The following PKNOX2 variants were observed in gnomAD, a reference collection of about 807,000 sequenced individuals.
The protein encoded by PKNOX2 is PBX/knotted 1 homeobox 2, also known as homeobox protein PKNOX2.
PKNOX2 carries 14 observed loss-of-function variants against 53.1 expected under a neutral mutation model. The observed-to-expected ratio is 0.26, with a 90% confidence interval of 0.17 to 0.41. The LOEUF (loss-of-function observed/expected upper bound fraction) is 0.41, where lower values mean the gene tolerates loss of function less well. Ranked by LOEUF, PKNOX2 falls within the 10% of genes least tolerant of loss-of-function variation. PKNOX2 has a pLI of 1.00. For missense variants in PKNOX2, 496 were observed against 602.8 expected (o/e 0.82, Z 1.85); for synonymous variants, 257 against 242.8 (o/e 1.06, Z -0.54).
At chr11:125,263,629 GGAGGGGGA>G (rs1389274267) in intron 2 of PKNOX2, among the ~76,000 whole-genome samples, 1 of 152,268 alleles carries the variant, frequency 6.6e-6, no homozygotes, top group East Asian at 1.9e-4. Flanking sequence ...GAGCAGCGCG[GGAGGGGGA>G]GAGCTGCCGA....
chr11:125,272,315 A>G (rs1945850865), intron 2 of PKNOX2, among the ~76,000 whole-genome samples: 1 of 152,228 alleles, frequency 6.6e-6, no homozygotes, highest in Non-Finnish European at 1.5e-5. Flanking sequence ...TCGATGAATC[A>G]TGATAAATGG....
intron 1 of PKNOX2, among the ~76,000 whole-genome samples, chr11:125,201,697 G>T (rs997143125): frequency 6.6e-6 from 1 of 152,196 alleles, no homozygotes; most frequent in East Asian, 1.9e-4. Flanking sequence ...GAAAGCCCCA[G>T]ACTTCACCCC....
chr11:125,225,575 T>G (rs1284087864), intron 1 of PKNOX2, among the ~76,000 whole-genome samples: 1 of 152,152 alleles, frequency 6.6e-6, no homozygotes, highest in Non-Finnish European at 1.5e-5. Flanking sequence ...ACCCACTGCC[T>G]CTGGGCTGGC....
intron 5 of PKNOX2, among the ~76,000 whole-genome samples, chr11:125,384,331 G>A (rs534855355): frequency 8.5e-5 from 13 of 152,070 alleles, no homozygotes; most frequent in Non-Finnish European, 1.9e-4. Context: ...TAGGTTTGGC[G>A]GTGGGGGAAT....
rs960184788 is a variant in PKNOX2, at chr11:125,337,137, G to A, written c.-23+5212G>A. Among the ~76,000 whole-genome samples the A allele has an allele frequency of 2.0e-5, 3 of 152,068 alleles. No individual in the cohort carries two copies. The East Asian group carries it at 5.8e-4, about 29-fold the overall frequency. ...GCATTCTATAGGTGATTATAAGATG[G>A]AAATCTGTTTAAAAGCATTAAAACC... On this transcript the variant is annotated intron_variant, in intron 3 of 12. Coordinates refer to ENST00000298282, the MANE Select transcript of PKNOX2 (RefSeq NM_001382323.2).
intron 10 of PKNOX2, among the ~76,000 whole-genome samples, chr11:125,427,002 G>T (rs1209844682): frequency 6.6e-6 from 1 of 152,248 alleles, no homozygotes; most frequent in East Asian, 1.9e-4. Flanking sequence ...ACGTGCGAAG[G>T]CATGGAGGCA....
chr11:125,319,625 T>C (rs73621058), intron 2 of PKNOX2, among the ~76,000 whole-genome samples: 2,620 of 152,316 alleles, frequency 0.017, 72 homozygotes, highest in African/African-American at 0.059. Flanking sequence ...AAAACAGGCA[T>C]TACTCAAATA....
At chr11:125,276,321 C>T (rs1156789999) in intron 2 of PKNOX2, among the ~76,000 whole-genome samples, 1 of 151,866 alleles carries the variant, frequency 6.6e-6, no homozygotes, top group Non-Finnish European at 1.5e-5. Flanking sequence ...AAGAGGAACT[C>T]CTAAAGAGGT....
chr11:125,219,840 G>A (rs1243723836), intron 1 of PKNOX2, among the ~76,000 whole-genome samples: 3 of 152,116 alleles, frequency 2.0e-5, no homozygotes, highest in Non-Finnish European at 2.9e-5. Flanking sequence ...GGGCCATTTC[G>A]AATATCATCA....
intron 2 of PKNOX2, among the ~76,000 whole-genome samples, chr11:125,319,449 A>T (rs116055761): frequency 0.024 from 3,668 of 152,290 alleles, 145 homozygotes; most frequent in African/African-American, 0.083. Context: ...GTTGCCATGA[A>T]CCTTCAATTT....
At chr11:125,428,461 A>C (rs1449207169) in intron 10 of PKNOX2, among the ~76,000 whole-genome samples, 1 of 152,202 alleles carries the variant, frequency 6.6e-6, no homozygotes, top group Non-Finnish European at 1.5e-5. Context: ...ATGATTTTTT[A>C]ATGAATAAAA....
At chr11:125,383,800 C>G (rs555540261) in intron 5 of PKNOX2, among the ~76,000 whole-genome samples, 1 of 152,284 alleles carries the variant, frequency 6.6e-6, no homozygotes, top group Admixed American at 6.5e-5. Flanking sequence ...GTGGAGATTG[C>G]AGAACATTCC....
chr11:125,319,250 G>A (rs1949381090), intron 2 of PKNOX2, among the ~76,000 whole-genome samples: 1 of 151,980 alleles, frequency 6.6e-6, no homozygotes, highest in African/African-American at 2.4e-5. Flanking sequence ...CATCTTATAG[G>A]GGTACATTTT....
At position 125,354,862 on chromosome 11, in the gene PKNOX2, T is replaced by TA. The variant is rs1334553547; in HGVS notation, c.87+3470_87+3471insA. Among the ~76,000 whole-genome samples the TA allele has an allele frequency of 3.2e-3, 480 of 152,356 alleles. 4 individuals are homozygous for TA. Among genetic ancestry groups the TA allele is most frequent in the African/African-American group, 0.011 (448 of 41,582 alleles). On this transcript the variant is annotated intron_variant, in intron 4 of 12. Coordinates refer to ENST00000298282, the MANE Select transcript of PKNOX2 (RefSeq NM_001382323.2). ...CCAAGTGATACGATGGCTAAGCGGC[T>TA]TCTAGCCCCTTAGTTCTGTTGCAGT...
At chr11:125,333,845 G>A (rs942349310) in intron 3 of PKNOX2, among the ~76,000 whole-genome samples, 6 of 152,190 alleles carry the variant, frequency 3.9e-5, no homozygotes, top group Non-Finnish European at 4.4e-5. Flanking sequence ...CACCAGAGGG[G>A]AAGGGCTGGG....
At chr11:125,417,418 G>A (rs1591565614) in intron 10 of PKNOX2, among the ~76,000 whole-genome samples, 2 of 151,998 alleles carry the variant, frequency 1.3e-5, no homozygotes, top group South Asian at 2.1e-4. Flanking sequence ...CCACTGCAGC[G>A]TGCCGGGTTC....
chr11:125,344,408 T>C (rs974258117), intron 3 of PKNOX2, among the ~76,000 whole-genome samples: 1 of 152,202 alleles, frequency 6.6e-6, no homozygotes, highest in Non-Finnish European at 1.5e-5. Context: ...CTCTGGGTTT[T>C]CTGGTCTCAC....
rs537963958 is a variant in PKNOX2 at position 125,289,190 on chromosome 11, A to T, written c.-129-42629A>T. On this transcript the variant is annotated intron_variant, in intron 2 of 12. Coordinates refer to ENST00000298282, the MANE Select transcript of PKNOX2 (RefSeq NM_001382323.2). ...GACCGGGGCCCTGCTGACCAGGGGA[A>T]ATCTCTTAGCTCCCAGGTGGGAGAC... is the stretch of plus-strand genomic sequence containing the variant. 6.6e-5 allele frequency among the ~76,000 whole-genome samples: 10 copies of T among 152,296 alleles called. No homozygotes were observed. The South Asian group carries it at 2.1e-3, about 32-fold the overall frequency.
At chr11:125,361,089 C>T in intron 4 of PKNOX2, among the ~76,000 whole-genome samples, 1 of 152,234 alleles carries the variant, frequency 6.6e-6, no homozygotes, top group East Asian at 1.9e-4. Flanking sequence ...GGTAAATCTG[C>T]AGCTAAAATG....
Sources: allele counts gnomAD v4.1 joint callset (sites outside exome capture counted in the v4.1 genomes callset), GRCh38; gene constraint gnomAD v4.1.1; transcripts MANE v1.5; gene names NCBI Gene and HGNC (gene_info 2026-07-23, HGNC 2026-07-21).